Variants in MALT1 observed in about 807,000 individuals in gnomAD.
MALT1 encodes the protein mucosa-associated lymphoid tissue lymphoma translocation protein 1.
A neutral mutation model predicts 85.5 loss-of-function variants in MALT1; 36 were observed. That is an observed-to-expected ratio of 0.42 (90% confidence interval 0.32 to 0.56). MALT1 has a LOEUF of 0.56. Among genes scored for constraint, MALT1 ranks in the 20% least tolerant of loss-of-function variants. The probability of loss-of-function intolerance (pLI) is 0.10; values close to 1 mark genes in which losing one functional copy is unlikely to be tolerated. For missense variants in MALT1, 716 were observed against 981.6 expected (o/e 0.73, Z 3.62); for synonymous variants, 359 against 361.3 (o/e 0.99, Z 0.07).
In MALT1 at chr18:58,736,893, C is replaced by A. The variant is rs529410519; in HGVS notation, c.1603+1564C>A. Reference sequence around the variant, plus strand: ...ATCATGATAAATAATACAGTTAAATCTAGCCCTTATTTTGAGTTTTGGATG... The same window carrying A: ...ATCATGATAAATAATACAGTTAAATATAGCCCTTATTTTGAGTTTTGGATG... On this transcript the variant is annotated intron_variant, in intron 13 of 16. Coordinates refer to ENST00000649217, the MANE Select transcript of MALT1 (RefSeq NM_006785.4). Among the ~76,000 whole-genome samples the A allele has an allele frequency of 1.5e-4, 23 of 152,318 alleles. No homozygotes were observed. In the South Asian group the frequency reaches 4.1e-3, roughly 27 times the overall value.
At chr18:58,692,610 T>C (rs900780495) in intron 2 of MALT1, among the ~76,000 whole-genome samples, 1 of 152,128 alleles carries the variant, frequency 6.6e-6, no homozygotes, top group African/African-American at 2.4e-5. Flanking sequence ...CACAACAATA[T>C]TGAAATTAGG....
intron 1 of MALT1, among the ~76,000 whole-genome samples, chr18:58,678,635 A>G (rs995463687): frequency 6.6e-6 from 1 of 152,202 alleles, no homozygotes; most frequent in Non-Finnish European, 1.5e-5. Flanking sequence ...ATGACTGCTT[A>G]AGGCCCAAAT....
chr18:58,748,144 G>A lies in MALT1; in HGVS notation c.*302G>A. ...GTGACCACTCTGAAGTAAGAGCAAT[G>A]GGAATGGCATTATTGTAGAATAAGT... On this transcript the variant is annotated 3_prime_UTR_variant, in exon 17 of 17. Coordinates refer to ENST00000649217, the MANE Select transcript of MALT1 (RefSeq NM_006785.4). The A allele has an allele frequency of 3.0e-6, 1 of 338,528 alleles. No individual in the cohort carries two copies. Among genetic ancestry groups the A allele is most frequent in the East Asian group, 5.2e-5 (1 of 19,226 alleles). 21.0% of individuals were successfully genotyped at this position (338,528 alleles called of 1,614,324 possible).
At chr18:58,689,479 A>G (rs1353472291) in intron 2 of MALT1, among the ~76,000 whole-genome samples, 2 of 152,248 alleles carry the variant, frequency 1.3e-5, no homozygotes, top group Non-Finnish European at 1.5e-5. Flanking sequence ...TTCAACAAAC[A>G]CGTGTTGAAC....
chr18:58,733,867 T>C (rs2055188528), intron 11 of MALT1: 1 of 1,173,190 alleles, frequency 8.5e-7, no homozygotes, highest in Non-Finnish European at 1.1e-6. Flanking sequence ...ATAATCACTA[T>C]AGTTATTCCC....
At chr18:58,697,702 A>T (rs2054610543) in intron 3 of MALT1, among the ~76,000 whole-genome samples, 1 of 152,212 alleles carries the variant, frequency 6.6e-6, no homozygotes, top group Admixed American at 6.5e-5. Flanking sequence ...AATGTAGGGG[A>T]TGGAAAATGC....
intron 7 of MALT1, among the ~76,000 whole-genome samples, chr18:58,713,617 T>C (rs1271177365): frequency 1.3e-5 from 2 of 152,176 alleles, no homozygotes; most frequent in Admixed American, 6.5e-5. Flanking sequence ...GTGACAAATA[T>C]ACTATTCTAG....
chr18:58,706,743 A>G (rs1366830016), intron 4 of MALT1, among the ~76,000 whole-genome samples: 1 of 152,172 alleles, frequency 6.6e-6, no homozygotes, highest in Non-Finnish European at 1.5e-5. Flanking sequence ...ATAGAATTTT[A>G]GAGGTGTGTT....
At chr18:58,718,162 T>C (rs1011300030) in intron 9 of MALT1, among the ~76,000 whole-genome samples, 1 of 152,234 alleles carries the variant, frequency 6.6e-6, no homozygotes, top group Non-Finnish European at 1.5e-5. Flanking sequence ...AATGTAGTAG[T>C]TGAGACAGGA....
Position 58,747,390 on chromosome 18 carries a change from T to A in MALT1, c.2038-15T>A, listed in dbSNP as rs780452921. The A allele has an allele frequency of 1.4e-5, 22 of 1,566,916 alleles. No individual in the cohort carries two copies. In the East Asian group the frequency reaches 4.9e-4, roughly 35 times the overall value. ...TGTTGATGCCAATAATAAACCAGAT[T>A]TTTTTCCTTTTCAGGAACATCTAGT... is the stretch of plus-strand genomic sequence containing the variant. On this transcript the variant is annotated splice_polypyrimidine_tract_variant and intron_variant, in intron 16 of 16. Transcript: ENST00000649217.
intron 14 of MALT1, among the ~76,000 whole-genome samples, chr18:58,742,596 T>A (rs766999728): frequency 1.3e-5 from 2 of 152,072 alleles, no homozygotes; most frequent in Non-Finnish European, 2.9e-5. Context: ...TAATCCCAAC[T>A]ACTAGGGTGG....
At chr18:58,715,258 T>C (rs1046185470) in intron 8 of MALT1, among the ~76,000 whole-genome samples, 31 of 152,216 alleles carry the variant, frequency 2.0e-4, no homozygotes, top group Admixed American at 3.9e-4. Context: ...CTTTTGTAAA[T>C]AGCCACCACT....
Position 58,710,924 on chromosome 18 carries a change from G to T in MALT1, c.929G>T (p.Arg310Ile). ...AATTTGTTTTTTCTGAAACAAGGAA[G>T]AACAGATGAGGCAGTGGAGTGCACT... ...DSKKVEIIIG[R>I]TDEAVECTED... The change falls in exon 7 of 17, where the codon AGA becomes ATA. Residue 310 changes from arginine to isoleucine, a missense_variant. By Grantham distance (97) the Arg-to-Ile change is moderately conservative. Around this residue, in one of 4 missense-constraint regions of MALT1, gnomAD observed 290 missense variants for 380.5 expected, o/e 0.76. Transcript: ENST00000649217. The T allele has an allele frequency of 6.3e-7, 1 of 1,583,850 alleles. No individual in the cohort carries two copies. Among genetic ancestry groups the T allele is most frequent in the South Asian group, 1.2e-5 (1 of 85,612 alleles).
chr18:58,688,416 A>G (rs888256106), intron 2 of MALT1, among the ~76,000 whole-genome samples: 2 of 151,906 alleles, frequency 1.3e-5, no homozygotes, highest in South Asian at 4.2e-4. Flanking sequence ...GGCCAGGCAC[A>G]GTGGCTCACA....
intron 10 of MALT1, among the ~76,000 whole-genome samples, chr18:58,731,178 C>G (rs1362777127): frequency 6.6e-6 from 1 of 152,164 alleles, no homozygotes; most frequent in African/African-American, 2.4e-5. Context: ...GTCTTGAACT[C>G]CTGACCTCAG....
chr18:58,714,349 C>T (rs748959228), intron 8 of MALT1, among the ~76,000 whole-genome samples: 3 of 151,980 alleles, frequency 2.0e-5, no homozygotes, highest in Non-Finnish European at 4.4e-5. Context: ...TAACATAAAA[C>T]CTCAAGGTAT....
In MALT1 at chr18:58,700,468, AT is replaced by A; in HGVS notation, c.531del (p.Phe177LeufsTer6). 1 of 1,604,152 alleles carries A rather than the reference AT, an allele frequency of 6.2e-7. No individual in the cohort carries two copies. Among genetic ancestry groups the A allele is most frequent in the South Asian group, 1.1e-5 (1 of 88,382 alleles). ...EIPNGNTSELIFNAVHVKDAG... is the reference protein window; with the variant it reads ...EIPNGNTSELXFNAVHVKDAG... ...TCCAAATGGAAATACATCAGAGCTT[AT>A]TTTTAATGCAGTGCATGTAAAAGAT... On this transcript the variant is annotated frameshift_variant, in exon 4 of 17. Transcript: ENST00000649217. LOFTEE classifies it high-confidence loss of function.
chr18:58,744,577 G>GT lies in MALT1; in HGVS notation c.1911+83dup, dbSNP rs2055342463. ...AATTTTTTAAAACTTAAAGTTGATG[G>GT]TAAATATAAAGGAAATATATATATT... On this transcript the variant is annotated intron_variant, in intron 15 of 16. Transcript: ENST00000649217. The GT allele has an allele frequency of 8.7e-6, 6 of 689,516 alleles. No homozygotes were observed. In the South Asian group the frequency reaches 1.4e-4, roughly 16 times the overall value. The allele number at this position is 689,516 out of a possible 1,614,324, so 42.7% of individuals were successfully genotyped here. A position where few individuals can be genotyped will look rare whatever the true frequency, so the allele number is the denominator to read the frequency against.
chr18:58,687,939 T>G (rs1052880356), intron 2 of MALT1, among the ~76,000 whole-genome samples: 1 of 152,236 alleles, frequency 6.6e-6, no homozygotes, highest in Non-Finnish European at 1.5e-5. Context: ...ATCAAGTAAC[T>G]TCTCTGACTT....
Sources: allele counts gnomAD v4.1 joint callset (sites outside exome capture counted in the v4.1 genomes callset), GRCh38; gene constraint gnomAD v4.1.1; regional missense constraint gnomAD v4.1.1; transcripts MANE v1.5; gene names NCBI Gene and HGNC (gene_info 2026-07-23, HGNC 2026-07-21).